Variants in CAMK4 observed in about 807,000 individuals in gnomAD.
CAMK4 encodes the protein calcium/calmodulin-dependent protein kinase type IV.
Under a neutral mutation model 44.9 loss-of-function variants are expected in CAMK4, and 22 were observed. The ratio of observed to expected loss-of-function variants is 0.49; its 90% CI spans 0.35 to 0.70. CAMK4 has a LOEUF of 0.70. CAMK4 is among the 30% of genes least tolerant of loss of function. The pLI is 0.01. For missense variants in CAMK4, 498 were observed against 586.8 expected (o/e 0.85, Z 1.56); for synonymous variants, 218 against 215.4 (o/e 1.01, Z -0.11).
intron 2 of CAMK4, among the ~76,000 whole-genome samples, chr5:111,349,122 T>C (rs535122062): frequency 6.6e-6 from 1 of 152,100 alleles, no homozygotes; most frequent in African/African-American, 2.4e-5. Flanking sequence ...CCACTTAGTA[T>C]TAGTGATTCT....
At chr5:111,435,048 G>A (rs571951061) in intron 5 of CAMK4, among the ~76,000 whole-genome samples, 18 of 152,266 alleles carry the variant, frequency 1.2e-4, no homozygotes, top group East Asian at 3.9e-4. Context: ...TTGTTAGACC[G>A]TAGAGAGAGT....
intron 7 of CAMK4, among the ~76,000 whole-genome samples, chr5:111,472,886 G>A (rs1018107616): frequency 2.0e-5 from 3 of 152,206 alleles, no homozygotes; most frequent in Non-Finnish European, 2.9e-5. Context: ...CCACACACTC[G>A]CTGACACACC....
In CAMK4 at chr5:111,437,100, A is replaced by G. The variant is rs776965393; in HGVS notation, c.460-9586A>G. On this transcript the variant is annotated intron_variant, in intron 5 of 10. Transcript: ENST00000282356. ...ATCTCATTTATCTCACTAATACTCA[A>G]TAAGCACCACTGAGGTGACTAAGTA... 9.2e-5 allele frequency among the ~76,000 whole-genome samples: 14 copies of G among 152,326 alleles called. 1 individual carries two copies. In the East Asian group the frequency reaches 1.4e-3, roughly 15 times the overall value.
chr5:111,414,619 A>G (rs779094373), intron 5 of CAMK4, among the ~76,000 whole-genome samples: 5 of 152,240 alleles, frequency 3.3e-5, no homozygotes, highest in Non-Finnish European at 7.3e-5. Context: ...TTATTTGCAT[A>G]TATGATTGTG....
intron 1 of CAMK4, among the ~76,000 whole-genome samples, chr5:111,257,974 C>T (rs1330328612): frequency 6.6e-6 from 1 of 151,936 alleles, no homozygotes; most frequent in Non-Finnish European, 1.5e-5. Context: ...GATACCATCT[C>T]AGGGGAACAA....
chr5:111,288,358 T>A (rs1301681331), intron 1 of CAMK4, among the ~76,000 whole-genome samples: 1 of 152,214 alleles, frequency 6.6e-6, no homozygotes, highest in Non-Finnish European at 1.5e-5. Context: ...TAGGGATGCA[T>A]ATTTTTGCTT....
In CAMK4 at chr5:111,488,524, A is replaced by G. The variant is rs1464883588; in HGVS notation, c.*4058A>G. 1 of 152,228 alleles carries G rather than the reference A, an allele frequency of 6.6e-6. No homozygotes were observed. Among genetic ancestry groups the G allele is most frequent in the East Asian group, 1.9e-4 (1 of 5,198 alleles). 9.4% of individuals were successfully genotyped at this position (152,228 alleles called of 1,614,324 possible). On this transcript the variant is annotated 3_prime_UTR_variant, in exon 11 of 11. Transcript: ENST00000282356. ...TAATTCAGAATGTTTAGCAATCCCTATGTCCTGTTTCACATGCATGGTAAC... is the reference window on the plus strand; with the variant it reads ...TAATTCAGAATGTTTAGCAATCCCTGTGTCCTGTTTCACATGCATGGTAAC...
intron 1 of CAMK4, among the ~76,000 whole-genome samples, chr5:111,236,769 G>T (rs1748748915): frequency 6.6e-6 from 1 of 152,126 alleles, no homozygotes. Context: ...TGAATGCTTT[G>T]TCGTCTTCAC....
At chr5:111,286,338 T>C (rs956594820) in intron 1 of CAMK4, among the ~76,000 whole-genome samples, 16 of 152,196 alleles carry the variant, frequency 1.1e-4, no homozygotes, top group Non-Finnish European at 2.1e-4. Context: ...CAATACCATA[T>C]AGATGATTTT....
Position 111,324,463 on chromosome 5 carries a change from G to A in CAMK4, c.162-19561G>A, listed in dbSNP as rs186966360. On this transcript the variant is annotated intron_variant, in intron 1 of 10. Coordinates refer to ENST00000282356, the MANE Select transcript of CAMK4 (RefSeq NM_001744.6). Reference sequence around the variant, plus strand: ...TGGAAAACAAACTTCAATTAAAAATGCATTGCCAGAAATGAAGGGGCATTT... The same window carrying A: ...TGGAAAACAAACTTCAATTAAAAATACATTGCCAGAAATGAAGGGGCATTT... Among the ~76,000 whole-genome samples the A allele has an allele frequency of 2.3e-3, 357 of 152,140 alleles. 1 individual carries two copies. Among genetic ancestry groups the A allele is most frequent in the African/African-American group, 8.1e-3 (335 of 41,554 alleles).
intron 1 of CAMK4, among the ~76,000 whole-genome samples, chr5:111,299,268 CAT>C (rs1281832231): frequency 5.9e-5 from 9 of 152,234 alleles, no homozygotes; most frequent in Admixed American, 2.0e-4. Context: ...GGTAACCACT[CAT>C]GTGAGCTTGT....
chr5:111,393,282 C>T (rs73789807), intron 4 of CAMK4, among the ~76,000 whole-genome samples: 3,814 of 152,108 alleles, frequency 0.025, 161 homozygotes, highest in African/African-American at 0.087. Context: ...CCCTATAAAA[C>T]GTATTTGCTA....
At chr5:111,237,926 CTT>C (rs1748805381) in intron 1 of CAMK4, among the ~76,000 whole-genome samples, 1 of 152,228 alleles carries the variant, frequency 6.6e-6, no homozygotes, top group Non-Finnish European at 1.5e-5. Context: ...AGAAATGCAG[CTT>C]GACATAACTT....
intron 1 of CAMK4, among the ~76,000 whole-genome samples, chr5:111,257,198 A>G (rs759127478): frequency 6.6e-6 from 1 of 152,238 alleles, no homozygotes; most frequent in Admixed American, 6.5e-5. Context: ...AGAATCTGTT[A>G]TCAGAGTGAA....
intron 5 of CAMK4, among the ~76,000 whole-genome samples, chr5:111,406,132 G>C (rs1239939862): frequency 6.8e-6 from 1 of 147,750 alleles, no homozygotes; most frequent in Non-Finnish European, 1.5e-5. Context: ...CTTCTATCTG[G>C]TCTAGTAGTT....
At chr5:111,344,974 G>A (rs1749807760) in intron 2 of CAMK4, among the ~76,000 whole-genome samples, 1 of 151,724 alleles carries the variant, frequency 6.6e-6, no homozygotes, top group South Asian at 2.1e-4. Flanking sequence ...ACAAATATGT[G>A]AAATGTATGT....
chr5:111,440,956 C>T (rs1753802870), intron 5 of CAMK4, among the ~76,000 whole-genome samples: 1 of 152,144 alleles, frequency 6.6e-6, no homozygotes, highest in Non-Finnish European at 1.5e-5. Context: ...TCATAACATA[C>T]TAAGTAATTA....
intron 1 of CAMK4, among the ~76,000 whole-genome samples, chr5:111,332,038 G>A (rs964089161): frequency 2.6e-5 from 4 of 151,424 alleles, no homozygotes; most frequent in Non-Finnish European, 5.9e-5. Flanking sequence ...TTAAATATAC[G>A]ACTAAATATT....
At chr5:111,319,624 A>G (rs911240444) in intron 1 of CAMK4, among the ~76,000 whole-genome samples, 1 of 152,152 alleles carries the variant, frequency 6.6e-6, no homozygotes, top group African/African-American at 2.4e-5. Context: ...TGATGCTTAT[A>G]AAGGGCAGGC....
Sources: allele counts gnomAD v4.1 joint callset (sites outside exome capture counted in the v4.1 genomes callset), GRCh38; gene constraint gnomAD v4.1.1; transcripts MANE v1.5; gene names NCBI Gene and HGNC (gene_info 2026-07-23, HGNC 2026-07-21).